The following LTBP1 variants were observed in gnomAD, a reference collection of about 807,000 sequenced individuals.
LTBP1 encodes latent-transforming growth factor beta-binding protein 1.
Under a neutral mutation model 207.6 loss-of-function variants are expected in LTBP1, and 129 were observed. The ratio of observed to expected loss-of-function variants is 0.62; its 90% CI spans 0.54 to 0.72. The LOEUF (loss-of-function observed/expected upper bound fraction) is 0.72, where lower values mean the gene tolerates loss of function less well. Among genes scored for constraint, LTBP1 ranks in the 30% least tolerant of loss-of-function variants. The pLI, the probability that LTBP1 is intolerant of heterozygous loss-of-function variation, is 0.00. For synonymous variants in LTBP1, 963 were observed against 833.7 expected, an observed-to-expected ratio of 1.16 and a Z score of -2.67; for missense variants, 2,281 against 2,217.2, an observed-to-expected ratio of 1.03 and a Z score of -0.58.
intron 12 of LTBP1, among the ~76,000 whole-genome samples, chr2:33,259,254 A>C (rs2092947128): frequency 6.6e-6 from 1 of 152,226 alleles, no homozygotes; most frequent in Non-Finnish European, 1.5e-5. Context: ...TTTCTAACAT[A>C]TGGAAAGTTC....
intron 5 of LTBP1, among the ~76,000 whole-genome samples, chr2:33,184,926 T>G (rs1443533139): frequency 1.3e-5 from 2 of 152,188 alleles, no homozygotes; most frequent in African/African-American, 4.8e-5. Context: ...TGCCATAAGA[T>G]GCATGGAATG....
At chr2:33,144,492 G>A (rs572366596) in intron 5 of LTBP1, among the ~76,000 whole-genome samples, 1 of 152,246 alleles carries the variant, frequency 6.6e-6, no homozygotes, top group East Asian at 1.9e-4. Flanking sequence ...TTTAAACAGT[G>A]TAATACATTT....
At chr2:32,977,764 T>C (rs1682047100) in intron 2 of LTBP1, among the ~76,000 whole-genome samples, 2 of 152,192 alleles carry the variant, frequency 1.3e-5, no homozygotes, top group South Asian at 4.2e-4. Context: ...TGACTCCAGA[T>C]AGGCTCCTGC....
chr2:33,249,582 AC>A (rs1200401109), intron 10 of LTBP1, among the ~76,000 whole-genome samples: 1 of 152,204 alleles, frequency 6.6e-6, no homozygotes, highest in Non-Finnish European at 1.5e-5. Flanking sequence ...ATGATTTGGT[AC>A]TATACTTGGG....
At chr2:33,111,480 C>T (rs2080398528) in intron 4 of LTBP1, among the ~76,000 whole-genome samples, 1 of 152,194 alleles carries the variant, frequency 6.6e-6, no homozygotes, top group Admixed American at 6.5e-5. Context: ...TGATTGCCTG[C>T]ACCATAGGTA....
chr2:33,362,859 A>G (rs1015873473), intron 28 of LTBP1, among the ~76,000 whole-genome samples: 14 of 152,256 alleles, frequency 9.2e-5, no homozygotes, highest in African/African-American at 2.4e-4. Flanking sequence ...ATTGTCTCCA[A>G]TTTATCATTG....
intron 10 of LTBP1, among the ~76,000 whole-genome samples, chr2:33,251,494 A>G (rs1396762578): frequency 6.6e-6 from 1 of 152,074 alleles, no homozygotes; most frequent in Non-Finnish European, 1.5e-5. Flanking sequence ...CCCTGTCTCT[A>G]CTAAAAATTC....
chr2:32,972,487 G>GTTGTATT (rs991050962), intron 2 of LTBP1, among the ~76,000 whole-genome samples: 4 of 151,976 alleles, frequency 2.6e-5, no homozygotes, highest in Non-Finnish European at 5.9e-5. Context: ...ATTCTGGTAT[G>GTTGTATT]TTGTATTAAT....
chr2:33,196,757 C>T (rs757559155), intron 7 of LTBP1, among the ~76,000 whole-genome samples: 7 of 152,206 alleles, frequency 4.6e-5, no homozygotes, highest in Non-Finnish European at 8.8e-5. Flanking sequence ...ATCTTTGTTA[C>T]AAGCAGCCTC....
At chr2:33,214,885 A>C (rs187423704) in intron 7 of LTBP1, among the ~76,000 whole-genome samples, 137 of 151,872 alleles carry the variant, frequency 9.0e-4, no homozygotes, top group African/African-American at 3.1e-3. Flanking sequence ...AAAAAAAAAA[A>C]GCAATTGTTT....
In LTBP1 at chr2:32,965,495, C is replaced by G. The variant is rs1032770053; in HGVS notation, c.565+16550C>G. On this transcript the variant is annotated intron_variant, in intron 2 of 33. Coordinates refer to ENST00000404816, the MANE Select transcript of LTBP1 (RefSeq NM_206943.4). Reference sequence around the variant, plus strand: ...CTGCCTACTCATCCCTCCTTCCTGTCTAAACCCTGACAACCACTGATCCTT... The same window carrying G: ...CTGCCTACTCATCCCTCCTTCCTGTGTAAACCCTGACAACCACTGATCCTT... Among the ~76,000 whole-genome samples the G allele has an allele frequency of 3.9e-5, 6 of 152,320 alleles. 1 individual carries two copies. Among genetic ancestry groups the G allele is most frequent in the Admixed American group, 2.0e-4 (3 of 15,304 alleles).
chr2:33,087,260 C>T (rs2078820863), intron 3 of LTBP1, among the ~76,000 whole-genome samples: 1 of 151,818 alleles, frequency 6.6e-6, no homozygotes, highest in South Asian at 2.1e-4. Flanking sequence ...TAGAGGTGTG[C>T]TCTCACTCTG....
At chr2:33,051,755 A>T (rs2076756081) in intron 3 of LTBP1, among the ~76,000 whole-genome samples, 1 of 152,000 alleles carries the variant, frequency 6.6e-6, no homozygotes, top group Non-Finnish European at 1.5e-5. Flanking sequence ...GGGCCCTGAG[A>T]TGTTGGTGAC....
chr2:33,181,775 C>T (rs2086662953), intron 5 of LTBP1, among the ~76,000 whole-genome samples: 1 of 152,170 alleles, frequency 6.6e-6, no homozygotes, highest in African/African-American at 2.4e-5. Flanking sequence ...TCAAGTCAAC[C>T]TTAACAATAA....
At chr2:33,011,715 T>C (rs998187110) in intron 2 of LTBP1, among the ~76,000 whole-genome samples, 1 of 152,054 alleles carries the variant, frequency 6.6e-6, no homozygotes, top group Admixed American at 6.6e-5. Flanking sequence ...ATTAGTGTTT[T>C]GTTCCTGATT....
At chr2:33,272,974 A>G (rs1368367618) in intron 15 of LTBP1, among the ~76,000 whole-genome samples, 1 of 152,146 alleles carries the variant, frequency 6.6e-6, no homozygotes. Flanking sequence ...TGTACAGGAT[A>G]TATAGAAGAA....
At chr2:33,178,922 T>G (rs1418794751) in intron 5 of LTBP1, among the ~76,000 whole-genome samples, 1 of 152,126 alleles carries the variant, frequency 6.6e-6, no homozygotes, top group African/African-American at 2.4e-5. Context: ...TTTTTCTTCT[T>G]TAGAGATGGG....
At chr2:33,107,224 A>G (rs1340958971) in intron 3 of LTBP1, among the ~76,000 whole-genome samples, 1 of 152,264 alleles carries the variant, frequency 6.6e-6, no homozygotes, top group Non-Finnish European at 1.5e-5. Flanking sequence ...TTATACCAAA[A>G]CACAGACATA....
intron 10 of LTBP1, among the ~76,000 whole-genome samples, chr2:33,246,121 A>T (rs181092291): frequency 6.6e-6 from 1 of 152,374 alleles, no homozygotes; most frequent in African/African-American, 2.4e-5. Flanking sequence ...CAACAGCTGA[A>T]CTGATAAGTA....
Sources: allele counts gnomAD v4.1 joint callset (sites outside exome capture counted in the v4.1 genomes callset), GRCh38; gene constraint gnomAD v4.1.1; transcripts MANE v1.5; gene names NCBI Gene and HGNC (gene_info 2026-07-23, HGNC 2026-07-21).